ZNF737: variants seen among roughly 807,000 people sequenced by gnomAD.
ZNF737 encodes zinc finger protein 102 (Y3).
Under a neutral mutation model 11.7 loss-of-function variants are expected in ZNF737, and 13 were observed. That is an observed-to-expected ratio of 1.11 (90% CI 0.73 to 1.77). The LOEUF (loss-of-function observed/expected upper bound fraction) is 1.77, where lower values mean the gene tolerates loss of function less well. ZNF737 is among the 40% of genes most tolerant of loss of function. The pLI, the probability that ZNF737 is intolerant of heterozygous loss-of-function variation, is 0.00. For synonymous variants in ZNF737, 217 were observed against 216.2 expected (o/e 1.00, Z -0.03); for missense variants, 636 against 638.0 (o/e 1.00, Z 0.03).
In ZNF737 at chr19:20,557,581, C is replaced by T. The variant is rs561344670; in HGVS notation, c.4-3746G>A. 1.9e-4 allele frequency among the ~76,000 whole-genome samples: 28 copies of T among 149,926 alleles called. No homozygotes were observed. In the South Asian group the frequency reaches 3.1e-3, roughly 17 times the overall value. On this transcript the variant is annotated intron_variant, in intron 1 of 3. Transcript: ENST00000427401. Reference sequence around the variant, plus strand: ...GTCAACTTTGTACTACATTCTAATACGCAATTTAAACAAATCCTTTAAGGT... The same window carrying T: ...GTCAACTTTGTACTACATTCTAATATGCAATTTAAACAAATCCTTTAAGGT...
At position 20,541,098 on chromosome 19, in the gene ZNF737, A is replaced by C. The variant is rs1226496697; in HGVS notation, c.*3494T>G. The C allele has an allele frequency of 7.1e-6, 7 of 984,534 alleles. No individual in the cohort carries two copies. The highest frequency in any genetic ancestry group is 6.0e-6 in the Non-Finnish European group (5 of 829,216). The allele number at this position is 984,534 out of a possible 1,614,324, so 61.0% of individuals were successfully genotyped here. A position where few individuals can be genotyped will look rare whatever the true frequency, so the allele number is the denominator to read the frequency against. ...GCAGACTCTGGGGAGAATCCGAATC[A>C]CAGGCCAGAACATTTTATATTAATA... On this transcript the variant is annotated 3_prime_UTR_variant, in exon 4 of 4. Coordinates refer to ENST00000427401, the MANE Select transcript of ZNF737 (RefSeq NM_001159293.2).
chr19:20,533,374 GAATA>G (rs1482477257), downstream of ZNF737, among the ~76,000 whole-genome samples: 1 of 149,524 alleles, frequency 6.7e-6, no homozygotes, highest in Non-Finnish European at 1.5e-5. Flanking sequence ...TATTCTGTAT[GAATA>G]TATATAAAGA....
chr19:20,548,980 A>AAAAAAAAAAAAAAAAAC (rs1491170549), intron 3 of ZNF737, among the ~76,000 whole-genome samples: 34 of 66,552 alleles, frequency 5.1e-4, no homozygotes, highest in South Asian at 9.9e-4. Context: ...AAAAAAAAAA[A>AAAAAAAAAAAAAAAAAC]CAATTATGTA....
Position 20,541,244 on chromosome 19 carries a change from T to C in ZNF737, c.*3348A>G, listed in dbSNP as rs1184441159. On this transcript the variant is annotated 3_prime_UTR_variant, in exon 4 of 4. Coordinates refer to ENST00000427401, the MANE Select transcript of ZNF737 (RefSeq NM_001159293.2). ...AGTAATTGCTTTTATTCTGAAAATA[T>C]GTACAAACCTATACTCACACAAAAA... The C allele has an allele frequency of 7.1e-6, 7 of 984,410 alleles. No individual in the cohort carries two copies. Among genetic ancestry groups the C allele is most frequent in the Non-Finnish European group, 8.4e-6 (7 of 829,138 alleles). The allele number at this position is 984,410 out of a possible 1,614,324, so 61.0% of individuals were successfully genotyped here.
Position 20,543,201 on chromosome 19 carries a change from T to C in ZNF737, c.*1391A>G. On this transcript the variant is annotated 3_prime_UTR_variant, in exon 4 of 4. Transcript: ENST00000427401. The stretch of plus-strand genomic sequence containing the variant: ...CTGTTGTTTTCTAAGCTGTAGTTTC[T>C]GGGGAAAAAAAAGTGTTTCTAAACT... 1.0e-6 allele frequency: 1 copy of C among 980,954 alleles called. No individual in the cohort carries two copies. Among genetic ancestry groups the C allele is most frequent in the Non-Finnish European group, 1.2e-6 (1 of 828,516 alleles). 60.8% of individuals were successfully genotyped at this position (980,954 alleles called of 1,614,324 possible).
chr19:20,534,139 G>C (rs1170905772), downstream of ZNF737, among the ~76,000 whole-genome samples: 11 of 150,106 alleles, frequency 7.3e-5, no homozygotes, highest in African/African-American at 2.7e-4. Context: ...TGAGTTAATT[G>C]ATTCAGAAAA....
chr19:20,539,617 G>A lies in ZNF737; in HGVS notation c.*4975C>T. 1 of 957,632 alleles carries A rather than the reference G, an allele frequency of 1.0e-6. No homozygotes were observed. The highest frequency in any genetic ancestry group is 1.2e-6 in the Non-Finnish European group (1 of 804,742). 59.3% of individuals were successfully genotyped at this position (957,632 alleles called of 1,614,324 possible). On this transcript the variant is annotated 3_prime_UTR_variant, in exon 4 of 4. Transcript: ENST00000427401. ...GGATTCAAAAAATATTCATATTAAT[G>A]TGTTTACAGTTTAATCTTGTATTAC...
downstream of ZNF737, chr19:20,535,853 G>A (rs1193933434): frequency 2.0e-4 from 20 of 101,510 alleles, no homozygotes; most frequent in African/African-American, 7.6e-4. Flanking sequence ...TATGTAAAGT[G>A]TAAAAAAAAA....
Position 20,539,659 on chromosome 19 carries a change from C to G in ZNF737, c.*4933G>C, listed in dbSNP as rs914603059. The G allele has an allele frequency of 6.3e-5, 58 of 927,780 alleles. No homozygotes were observed. In the African/African-American group the frequency reaches 1.0e-3, roughly 16 times the overall value. The allele number at this position is 927,780 out of a possible 1,614,324, so 57.5% of individuals were successfully genotyped here. ...TTGTATTACAGTATAGTAGAATCCT[C>G]TATAATTAGAAGTTAATTATTTATA... is the stretch of plus-strand genomic sequence containing the variant. On this transcript the variant is annotated 3_prime_UTR_variant, in exon 4 of 4. Coordinates refer to ENST00000427401, the MANE Select transcript of ZNF737 (RefSeq NM_001159293.2).
rs1465472893 is a variant in ZNF737 at position 20,540,022 on chromosome 19, A to C, written c.*4570T>G. ...TGTTTCTCTTAAGCTATCCCAGATG[A>C]GAGGTGATTATTTCTTGAATGAATG... is the stretch of plus-strand genomic sequence containing the variant. On this transcript the variant is annotated 3_prime_UTR_variant, in exon 4 of 4. Transcript: ENST00000427401. 4.1e-6 allele frequency: 4 copies of C among 985,240 alleles called. No homozygotes were observed. The African/African-American group carries it at 7.0e-5, about 17-fold the overall frequency. 61.0% of individuals were successfully genotyped at this position (985,240 alleles called of 1,614,324 possible).
intron 1 of ZNF737, among the ~76,000 whole-genome samples, chr19:20,556,289 A>G (rs1327790605): frequency 6.6e-6 from 1 of 152,168 alleles, no homozygotes; most frequent in Non-Finnish European, 1.5e-5. Context: ...CTTCGTTAAA[A>G]CAACATGGAT....
Position 20,545,591 on chromosome 19 carries a change from T to G in ZNF737, c.612A>C (p.Glu204Asp). The G allele has an allele frequency of 6.2e-7, 1 of 1,614,018 alleles. No individual in the cohort carries two copies. The highest frequency in any genetic ancestry group is 8.5e-7 in the Non-Finnish European group (1 of 1,179,942). Residue 204 changes from glutamate (E) to aspartate (D), a missense_variant, in exon 4 of 4, where the codon GAA becomes GAC. Coordinates refer to ENST00000427401, the MANE Select transcript of ZNF737 (RefSeq NM_001159293.2). ...IHTGEKPFKC[E>D]ECGKAFNWSS... is the part of the protein sequence containing the mutation. ...ACCAGTTGAAGGCTTTGCCACATTC[T>G]TCACATTTGAAGGGTTTCTCCCCAG... is the stretch of plus-strand genomic sequence containing the variant.
chr19:20,530,831 C>A, downstream of ZNF737, among the ~76,000 whole-genome samples: 1 of 148,324 alleles, frequency 6.7e-6, no homozygotes, highest in South Asian at 2.2e-4. Context: ...GGGGTGGCGG[C>A]CGGGCAGAGG....
chr19:20,565,570 A>C (rs1969266971), intron 1 of ZNF737, 68 bp downstream of exon 1: 5 of 1,612,924 alleles, frequency 3.1e-6, no homozygotes, highest in African/African-American at 1.3e-5. Flanking sequence ...GAGTCCCGCC[A>C]CAGCCACTTC....
downstream of ZNF737, among the ~76,000 whole-genome samples, chr19:20,532,421 C>T (rs1555753050): frequency 6.7e-6 from 1 of 149,608 alleles, no homozygotes; most frequent in African/African-American, 2.5e-5. Context: ...CATAGACATA[C>T]CCATGTGACT....
At chr19:20,547,321 C>A (rs1968488486) in intron 3 of ZNF737, among the ~76,000 whole-genome samples, 1 of 142,568 alleles carries the variant, frequency 7.0e-6, no homozygotes, top group East Asian at 2.1e-4. Flanking sequence ...GCGGAGCTTG[C>A]AGTAAGCTGA....
intron 3 of ZNF737, among the ~76,000 whole-genome samples, chr19:20,547,574 A>G (rs1200844860): frequency 6.6e-6 from 1 of 152,074 alleles, no homozygotes; most frequent in Non-Finnish European, 1.5e-5. Context: ...TTGAAAACTG[A>G]ATATCAACAC....
Position 20,538,786 on chromosome 19 carries a change from T to C in ZNF737, c.*5806A>G. On this transcript the variant is annotated 3_prime_UTR_variant, in exon 4 of 4. Transcript: ENST00000427401. ...GAGTCTTAATTTAATTGGGCTGTTA[T>C]TTGCATAGCTAGATAATTACCAACT... 6.1e-6 allele frequency: 6 copies of C among 985,434 alleles called. No individual in the cohort carries two copies. Among genetic ancestry groups the C allele is most frequent in the Non-Finnish European group, 7.2e-6 (6 of 829,928 alleles). The allele number at this position is 985,434 out of a possible 1,614,324, so 61.0% of individuals were successfully genotyped here.
At position 20,538,267 on chromosome 19, in the gene ZNF737, T is replaced by G. The variant is rs1325057788; in HGVS notation, c.*6325A>C. Among the ~76,000 whole-genome samples the G allele has an allele frequency of 6.6e-6, 1 of 152,252 alleles. No individual in the cohort carries two copies. The highest frequency in any genetic ancestry group is 2.4e-5 in the African/African-American group (1 of 41,474). ...CACAATTTAGCCTAAATATTTGCCC[T>G]GGCATGCTTATACTAATCCAAGCAA... is the stretch of plus-strand genomic sequence containing the variant. On this transcript the variant is annotated 3_prime_UTR_variant, in exon 4 of 4. Coordinates refer to ENST00000427401, the MANE Select transcript of ZNF737 (RefSeq NM_001159293.2).
Sources: gnomAD v4.1 joint callset for allele counts (sites outside exome capture counted in the v4.1 genomes callset) on GRCh38, gnomAD v4.1.1 for gene constraint, MANE v1.5 for transcripts, NCBI Gene and HGNC (gene_info 2026-07-23, HGNC 2026-07-21) for gene names.